The following CCDC171 variants were observed in gnomAD, a reference collection of about 807,000 sequenced individuals.
CCDC171 encodes coiled-coil domain containing 171.
CCDC171 carries 177 observed loss-of-function variants against 168.2 expected under a neutral mutation model. That is an observed-to-expected ratio of 1.05 (90% CI 0.93 to 1.19). The LOEUF (loss-of-function observed/expected upper bound fraction) is 1.19, where lower values mean the gene tolerates loss of function less well. Among genes scored for constraint, CCDC171 ranks in the 50% most tolerant of loss-of-function variants. The pLI, the probability that CCDC171 is intolerant of heterozygous loss-of-function variation, is 0.00. For synonymous variants in CCDC171, 687 were observed against 540.8 expected, an observed-to-expected ratio of 1.27 and a Z score of -3.75; for missense variants, 1,991 against 1,539.0, an observed-to-expected ratio of 1.29 and a Z score of -4.91.
chr9:15,846,027 A>G (rs2060880371), intron 21 of CCDC171, among the ~76,000 whole-genome samples: 1 of 152,142 alleles, frequency 6.6e-6, no homozygotes, highest in African/African-American at 2.4e-5. Context: ...GAAAATATTT[A>G]CAGAACACAA....
At position 15,920,268 on chromosome 9, in the gene CCDC171, A is replaced by C. The variant is rs1263327725; in HGVS notation, c.3601-2A>C. The C allele has an allele frequency of 5.8e-6, 9 of 1,557,674 alleles. No individual in the cohort carries two copies. Among genetic ancestry groups the C allele is most frequent in the Non-Finnish European group, 7.9e-6 (9 of 1,146,198 alleles). ...TATGTGACATTATTTTTATTTCTTA[A>C]GGCTATGATTAAAAGTTTCATGGAT... On this transcript the variant is annotated splice_acceptor_variant, in intron 24 of 25. Coordinates refer to ENST00000380701, the MANE Select transcript of CCDC171 (RefSeq NM_173550.4). LOFTEE classifies it high-confidence loss of function.
intron 23 of CCDC171, among the ~76,000 whole-genome samples, chr9:15,869,796 A>C (rs2131145273): frequency 6.6e-6 from 1 of 151,938 alleles, no homozygotes; most frequent in East Asian, 1.9e-4. Context: ...TTCTGGAAAA[A>C]TTGAAGAAAG....
At chr9:15,792,627 G>C (rs912918341) in intron 21 of CCDC171, among the ~76,000 whole-genome samples, 2 of 152,112 alleles carry the variant, frequency 1.3e-5, no homozygotes, top group African/African-American at 2.4e-5. Context: ...CGGATCTCTC[G>C]GCAGAAACTC....
At chr9:15,789,916 A>G (rs2058165571) in intron 21 of CCDC171, among the ~76,000 whole-genome samples, 1 of 152,062 alleles carries the variant, frequency 6.6e-6, no homozygotes, top group African/African-American at 2.4e-5. Flanking sequence ...CCATGTCCCT[A>G]TAAAGGACAT....
intron 6 of CCDC171, among the ~76,000 whole-genome samples, chr9:16,031,089 T>G (rs1338971545): frequency 6.6e-6 from 1 of 152,204 alleles, no homozygotes; most frequent in African/African-American, 2.4e-5. Context: ...AATTAGTGGT[T>G]GAATGTTGCC....
chr9:15,992,049 A>G (rs939293062), intron 3 of CCDC171, among the ~76,000 whole-genome samples: 2 of 152,240 alleles, frequency 1.3e-5, no homozygotes, highest in South Asian at 2.1e-4. Flanking sequence ...AATCAGTAGA[A>G]AAAGAAGGAA....
rs542440308 is a variant in CCDC171, at chr9:15,582,542, A to C, written c.352+3519A>C. Among the ~76,000 whole-genome samples, 6 of 152,302 alleles carry C rather than the reference A, an allele frequency of 3.9e-5. No individual in the cohort carries two copies. The East Asian group carries it at 1.2e-3, about 29-fold the overall frequency. ...CTTGGAACCAACCCAAATGGCCATC[A>C]ATGATAGATTGGATAAAGAAAATAT... On this transcript the variant is annotated intron_variant, in intron 4 of 25. Coordinates refer to ENST00000380701, the MANE Select transcript of CCDC171 (RefSeq NM_173550.4).
chr9:15,802,874 C>A (rs1479991965), intron 21 of CCDC171, among the ~76,000 whole-genome samples: 1 of 152,130 alleles, frequency 6.6e-6, no homozygotes, highest in Non-Finnish European at 1.5e-5. Context: ...CTCCCAGCAA[C>A]AGTATAAAAA....
Position 15,680,673 on chromosome 9 carries a change from G to C in CCDC171, c.1215+1777G>C, listed in dbSNP as rs569134346. On this transcript the variant is annotated intron_variant, in intron 10 of 25. Coordinates refer to ENST00000380701, the MANE Select transcript of CCDC171 (RefSeq NM_173550.4). ...TGAATGTGATGTTTTAGAAAGTTAA[G>C]AGCCCTCTGTGTAGTCTACTGTAGC... Among the ~76,000 whole-genome samples the C allele has an allele frequency of 2.0e-5, 3 of 152,250 alleles. No individual in the cohort carries two copies. The South Asian group carries it at 6.2e-4, about 32-fold the overall frequency.
At chr9:15,798,560 C>G (rs1259859116) in intron 21 of CCDC171, among the ~76,000 whole-genome samples, 2 of 151,970 alleles carry the variant, frequency 1.3e-5, no homozygotes, top group Non-Finnish European at 2.9e-5. Flanking sequence ...TAGTTTAGCC[C>G]TTCTTTTTCT....
intron 2 of CCDC171, among the ~76,000 whole-genome samples, chr9:15,566,560 A>G (rs1183278316): frequency 6.6e-6 from 1 of 152,036 alleles, no homozygotes; most frequent in Non-Finnish European, 1.5e-5. Context: ...CTTTGTCTCA[A>G]CAACAACAAC....
chr9:15,861,261 G>C lies in CCDC171; in HGVS notation c.3468+12314G>C, dbSNP rs114062354. 9.7e-3 allele frequency among the ~76,000 whole-genome samples: 1,445 copies of C among 148,574 alleles called. 33 individuals are homozygous for C. The highest frequency in any genetic ancestry group is 0.034 in the African/African-American group (1,377 of 40,270). Reference sequence around the variant, plus strand: ...TTCAGCCACTCTGTGTCTCTTTATTGGAAGTTATATCTATTTATTTATCAG... The same window carrying C: ...TTCAGCCACTCTGTGTCTCTTTATTCGAAGTTATATCTATTTATTTATCAG... On this transcript the variant is annotated intron_variant, in intron 23 of 25. Coordinates refer to ENST00000380701, the MANE Select transcript of CCDC171 (RefSeq NM_173550.4).
At chr9:15,711,939 G>A (rs906190463) in intron 11 of CCDC171, among the ~76,000 whole-genome samples, 11 of 152,110 alleles carry the variant, frequency 7.2e-5, no homozygotes, top group Non-Finnish European at 1.5e-4. Context: ...CATCTCTGGC[G>A]AGGTGGTCCA....
intron 1 of CCDC171, among the ~76,000 whole-genome samples, chr9:15,555,750 T>C (rs1489555337): frequency 2.6e-5 from 4 of 152,204 alleles, no homozygotes; most frequent in Non-Finnish European, 5.9e-5. Context: ...TTGTTACATA[T>C]GCATACATGT....
chr9:15,968,537 C>CTTT (rs35265243), intron 25 of CCDC171, among the ~76,000 whole-genome samples: 2 of 88,826 alleles, frequency 2.3e-5, no homozygotes, highest in South Asian at 4.4e-4. Flanking sequence ...TTGTTGCTGG[C>CTTT]TTTTTTTTTT....
At chr9:15,746,817 C>T (rs545681005) in intron 18 of CCDC171, among the ~76,000 whole-genome samples, 1 of 152,160 alleles carries the variant, frequency 6.6e-6, no homozygotes, top group African/African-American at 2.4e-5. Flanking sequence ...CTGGGAAGCA[C>T]AAGGGGTCAG....
chr9:15,570,186 G>C (rs1406059952), intron 2 of CCDC171, among the ~76,000 whole-genome samples: 3 of 151,936 alleles, frequency 2.0e-5, no homozygotes, highest in African/African-American at 7.2e-5. Context: ...GGCCAGGCTG[G>C]TCTTGAACTC....
chr9:15,944,037 G>GT lies in CCDC171; in HGVS notation c.3753+23621dup, dbSNP rs150392239. 4.6e-3 allele frequency among the ~76,000 whole-genome samples: 697 copies of GT among 152,030 alleles called. 10 individuals are homozygous for GT. Among genetic ancestry groups the GT allele is most frequent in the East Asian group, 0.035 (181 of 5,158 alleles). On this transcript the variant is annotated intron_variant, in intron 25 of 25. Transcript: ENST00000380701. ...AGAGAGTAAGGTTAAACTATGTGTT[G>GT]TTTTTTCTTTTGCAGTAATGTTGAT...
intron 21 of CCDC171, among the ~76,000 whole-genome samples, chr9:15,798,522 G>C (rs1277512032): frequency 6.6e-6 from 1 of 152,016 alleles, no homozygotes; most frequent in Non-Finnish European, 1.5e-5. Flanking sequence ...GTGGTTTGCT[G>C]TACTTATCAA....
Sources: gnomAD v4.1 joint callset for allele counts (sites outside exome capture counted in the v4.1 genomes callset) on GRCh38, gnomAD v4.1.1 for gene constraint, MANE v1.5 for transcripts, NCBI Gene and HGNC (gene_info 2026-07-23, HGNC 2026-07-21) for gene names.